NAV2: variants seen among roughly 807,000 people sequenced by gnomAD.
NAV2 encodes neuron navigator 2, also known as helicase, APC down-regulated 1.
Under a neutral mutation model 223.2 loss-of-function variants are expected in NAV2, and 54 were observed. That is an observed-to-expected ratio of 0.24 (90% confidence interval 0.19 to 0.30). NAV2 has a LOEUF of 0.30. NAV2 is among the 10% of genes least tolerant of loss of function. The pLI, the probability that NAV2 is intolerant of heterozygous loss-of-function variation, is 1.00. For missense variants in NAV2, 2,806 were observed against 3,147.5 expected, an observed-to-expected ratio of 0.89 and a Z score of 2.60; for synonymous variants, 1,279 against 1,239.3, an observed-to-expected ratio of 1.03 and a Z score of -0.67.
At chr11:19,740,604 C>T in intron 1 of NAV2, among the ~76,000 whole-genome samples, 1 of 152,122 alleles carries the variant, frequency 6.6e-6, no homozygotes, top group East Asian at 1.9e-4. Flanking sequence ...ACACAGGAGA[C>T]ATATTCAGGC....
At chr11:19,973,198 T>G (rs2252194) in intron 10 of NAV2, among the ~76,000 whole-genome samples, 129,697 of 152,152 alleles carry the variant, frequency 0.85, 55,831 homozygotes, top group African/African-American at 0.94. Flanking sequence ...TAAAGACTTT[T>G]GTTGTTACCT....
At chr11:19,802,001 T>C (rs1267629120) in intron 1 of NAV2, among the ~76,000 whole-genome samples, 3 of 152,020 alleles carry the variant, frequency 2.0e-5, no homozygotes. Context: ...ATAGCCAGGG[T>C]GGTGAGAGAA....
At position 20,054,107 on chromosome 11, in the gene NAV2, G is replaced by A. The variant is rs1384153715; in HGVS notation, c.4509G>A (p.Thr1503=). ...LRYTPTSQLR[T]QEDAKEWLRS... is the part of the protein sequence containing the mutation. ...ATACTCCCACCTCCCAGCTTCGCAC[G>A]CAAGAAGATGCAAAAGAATGGTTAC... Residue 1503 remains threonine, a synonymous_variant, in exon 18 of 38, where the codon ACG becomes ACA. Coordinates refer to ENST00000349880, the MANE Select transcript of NAV2 (RefSeq NM_145117.5). 1.8e-5 allele frequency: 29 copies of A among 1,611,696 alleles called. No homozygotes were observed. Among genetic ancestry groups the A allele is most frequent in the Admixed American group, 3.4e-5 (2 of 59,172 alleles).
At chr11:19,600,080 G>A (rs1328857887) in intron 1 of NAV2, among the ~76,000 whole-genome samples, 1 of 152,184 alleles carries the variant, frequency 6.6e-6, no homozygotes, top group East Asian at 1.9e-4. Flanking sequence ...AATAAAAGGT[G>A]TGCTAATGGG....
intron 1 of NAV2, among the ~76,000 whole-genome samples, chr11:19,767,615 T>C (rs1192200986): frequency 1.3e-5 from 2 of 152,248 alleles, no homozygotes; most frequent in African/African-American, 4.8e-5. Flanking sequence ...GCACTGATCA[T>C]GTGACAGGCA....
At chr11:19,609,075 T>C (rs1481258016) in intron 1 of NAV2, among the ~76,000 whole-genome samples, 1 of 152,244 alleles carries the variant, frequency 6.6e-6, no homozygotes, top group Non-Finnish European at 1.5e-5. Flanking sequence ...TTAAGATCCT[T>C]AATTTAATCA....
chr11:20,056,511 T>C, intron 19 of NAV2: 1 of 1,564,164 alleles, frequency 6.4e-7, no homozygotes. Flanking sequence ...GATTTTTATG[T>C]TTGGTTCATT....
At chr11:20,049,235 C>A in intron 15 of NAV2, 40 bp downstream of exon 15, 1 of 1,382,438 alleles carries the variant, frequency 7.2e-7, no homozygotes, top group Non-Finnish European at 9.9e-7. Context: ...CAGAAAGACA[C>A]CCTTCCAAAA....
chr11:19,586,836 T>C (rs2045914630), intron 1 of NAV2, among the ~76,000 whole-genome samples: 1 of 152,212 alleles, frequency 6.6e-6, no homozygotes, highest in Non-Finnish European at 1.5e-5. Flanking sequence ...GGGACCCACT[T>C]GAGGAGGCAG....
At chr11:19,591,598 C>T (rs1390430061) in intron 1 of NAV2, among the ~76,000 whole-genome samples, 4 of 152,114 alleles carry the variant, frequency 2.6e-5, no homozygotes, top group Admixed American at 6.5e-5. Context: ...CCTGACCATG[C>T]GGATGTTATT....
intron 6 of NAV2, among the ~76,000 whole-genome samples, chr11:19,910,899 A>G (rs2043253012): frequency 6.6e-6 from 1 of 152,194 alleles, no homozygotes; most frequent in South Asian, 2.1e-4. Flanking sequence ...CACCACATGT[A>G]AAAATATCAT....
At chr11:19,500,639 G>C (rs1219818035) in intron 1 of NAV2, among the ~76,000 whole-genome samples, 1 of 151,960 alleles carries the variant, frequency 6.6e-6, no homozygotes, top group Non-Finnish European at 1.5e-5. Flanking sequence ...ATCCCTCGTG[G>C]GCTATCCCTT....
chr11:19,709,375 TACTAAA>T (rs1182928421), upstream of NAV2, among the ~76,000 whole-genome samples: 2 of 151,668 alleles, frequency 1.3e-5, no homozygotes, highest in Non-Finnish European at 2.9e-5. Context: ...ACCCCGTCTC[TACTAAA>T]AATACAAAAA....
At chr11:19,754,836 T>A (rs2054112367) in intron 1 of NAV2, among the ~76,000 whole-genome samples, 1 of 152,212 alleles carries the variant, frequency 6.6e-6, no homozygotes, top group Admixed American at 6.5e-5. Flanking sequence ...ATTAGAGGTT[T>A]CTGTTTTCTC....
chr11:20,096,893 A>G (rs2061312324), intron 30 of NAV2, among the ~76,000 whole-genome samples: 1 of 152,204 alleles, frequency 6.6e-6, no homozygotes, highest in Non-Finnish European at 1.5e-5. Context: ...ACATCCTTGG[A>G]TTAGAATAAC....
At chr11:19,487,543 C>T (rs574400452) in intron 1 of NAV2, among the ~76,000 whole-genome samples, 47 of 152,246 alleles carry the variant, frequency 3.1e-4, no homozygotes, top group East Asian at 1.5e-3. Flanking sequence ...TTGCATCCTG[C>T]GGAACTCTTT....
At chr11:19,952,158 A>G (rs1459291809) in intron 10 of NAV2, among the ~76,000 whole-genome samples, 1 of 152,208 alleles carries the variant, frequency 6.6e-6, no homozygotes, top group African/African-American at 2.4e-5. Flanking sequence ...ATAAACTGGC[A>G]AGGTTGTAAA....
intron 10 of NAV2, among the ~76,000 whole-genome samples, chr11:19,964,049 C>T (rs1382360925): frequency 2.0e-5 from 3 of 152,134 alleles, no homozygotes; most frequent in Non-Finnish European, 4.4e-5. Context: ...TCAGCGCCAC[C>T]CTGAGACCTC....
rs375523120 is a variant in NAV2 at position 19,917,369 on chromosome 11, G to A, written c.932-15807G>A. On this transcript the variant is annotated intron_variant, in intron 6 of 37. Coordinates refer to ENST00000349880, the MANE Select transcript of NAV2 (RefSeq NM_145117.5). ...TGAGGGAGGGGGTGTCACAGGGAGG[G>A]AAATATTGCACACCCCATGTTCCCT... Among the ~76,000 whole-genome samples, 7 of 152,152 alleles carry A rather than the reference G, an allele frequency of 4.6e-5. No individual in the cohort carries two copies. The South Asian group carries it at 1.4e-3, about 31-fold the overall frequency.
Sources: allele counts gnomAD v4.1 joint callset (sites outside exome capture counted in the v4.1 genomes callset), GRCh38; gene constraint gnomAD v4.1.1; transcripts MANE v1.5; gene names NCBI Gene and HGNC (gene_info 2026-07-23, HGNC 2026-07-21).